EXOC6B: variants seen among roughly 807,000 people sequenced by gnomAD.
EXOC6B encodes the protein exocyst complex component 6B.
Under a neutral mutation model 113.5 loss-of-function variants are expected in EXOC6B, and 54 were observed. The ratio of observed to expected loss-of-function variants is 0.48; its 90% CI spans 0.38 to 0.60. The LOEUF (loss-of-function observed/expected upper bound fraction) is 0.60, where lower values mean the gene tolerates loss of function less well. Ranked by LOEUF, EXOC6B falls within the 20% of genes least tolerant of loss-of-function variation. The probability of loss-of-function intolerance (pLI) is 0.00; values close to 1 mark genes in which losing one functional copy is unlikely to be tolerated. For missense variants in EXOC6B, 797 were observed against 977.5 expected (o/e 0.82, Z 2.46); for synonymous variants, 357 against 339.0 (o/e 1.05, Z -0.58).
chr2:72,397,905 C>G (rs1173847936), intron 18 of EXOC6B, among the ~76,000 whole-genome samples: 1 of 152,006 alleles, frequency 6.6e-6, no homozygotes, highest in East Asian at 1.9e-4. Flanking sequence ...CCCACCATAT[C>G]TGAGGTAGAG....
chr2:72,565,711 T>C (rs914292578), intron 7 of EXOC6B, among the ~76,000 whole-genome samples: 1 of 152,110 alleles, frequency 6.6e-6, no homozygotes, highest in Non-Finnish European at 1.5e-5. Context: ...TTACCCACAG[T>C]GATAGGAATG....
chr2:72,492,363 G>T lies in EXOC6B; in HGVS notation c.1620C>A (p.Asn540Lys). The T allele has an allele frequency of 6.2e-7, 1 of 1,612,926 alleles. No homozygotes were observed. The highest frequency in any genetic ancestry group is 1.1e-5 in the South Asian group (1 of 91,040). The change falls in exon 16 of 22, where the codon AAC (asparagine) becomes AAA (lysine). Residue 540 changes from asparagine to lysine, a missense_variant. Physicochemically the swap from Asn to Lys is moderately conservative, Grantham distance 94 (BLOSUM62 0). Transcript: ENST00000272427. ...TNLLLTRTLSNSLQNVIKRKN... is the reference protein window; with the variant it reads ...TNLLLTRTLSKSLQNVIKRKN... ...TCCTTTTAATTACATTCTGCAGAGA[G>T]TTGCTCAGAGTCCTGGTTAGCAACA...
chr2:72,661,944 T>C (rs1675045387), intron 6 of EXOC6B, among the ~76,000 whole-genome samples: 1 of 151,446 alleles, frequency 6.6e-6, no homozygotes, highest in Admixed American at 6.6e-5. Context: ...TTGACAAAAC[T>C]GAAAAACAAT....
rs1193301093 is a variant in EXOC6B, at chr2:72,486,221, T to C, written c.1666-5471A>G. ...ATTGTCTCTACTAAAATACAAAAAT[T>C]AGCTGGGTGTGGTGGCACATGCCTG... On this transcript the variant is annotated intron_variant, in intron 16 of 21. Coordinates refer to ENST00000272427, the MANE Select transcript of EXOC6B (RefSeq NM_015189.3). Among the ~76,000 whole-genome samples the C allele has an allele frequency of 2.0e-5, 3 of 151,990 alleles. No homozygotes were observed. In the East Asian group the frequency reaches 5.8e-4, roughly 29 times the overall value.
At chr2:72,375,617 A>G (rs1691309098) in intron 19 of EXOC6B, among the ~76,000 whole-genome samples, 1 of 152,206 alleles carries the variant, frequency 6.6e-6, no homozygotes, top group African/African-American at 2.4e-5. Flanking sequence ...AATGAATAAA[A>G]ATTAAAACAT....
intron 6 of EXOC6B, among the ~76,000 whole-genome samples, chr2:72,688,011 A>G (rs1677210361): frequency 6.6e-6 from 1 of 152,094 alleles, no homozygotes; most frequent in Non-Finnish European, 1.5e-5. Flanking sequence ...AGCCCCTCCA[A>G]AAAAAATCAC....
At chr2:72,229,798 T>C (rs2104461108) in intron 20 of EXOC6B, among the ~76,000 whole-genome samples, 1 of 152,376 alleles carries the variant, frequency 6.6e-6, no homozygotes, top group East Asian at 1.9e-4. Context: ...AAGTTGCCTA[T>C]GTGCAAATGG....
chr2:72,723,143 C>T (rs949640987), intron 5 of EXOC6B, among the ~76,000 whole-genome samples: 3 of 152,138 alleles, frequency 2.0e-5, no homozygotes, highest in South Asian at 2.1e-4. Context: ...CCAGTGACCA[C>T]GGAAATCCAA....
intron 20 of EXOC6B, among the ~76,000 whole-genome samples, chr2:72,296,034 T>C (rs1386526462): frequency 6.6e-6 from 1 of 152,106 alleles, no homozygotes; most frequent in Non-Finnish European, 1.5e-5. Flanking sequence ...AGAGTGGCTA[T>C]GGATTTGTCC....
chr2:72,458,631 G>A (rs778960558), intron 18 of EXOC6B, among the ~76,000 whole-genome samples: 3 of 151,704 alleles, frequency 2.0e-5, no homozygotes, highest in Non-Finnish European at 2.9e-5. Flanking sequence ...ACACTGAGAC[G>A]TTTTATAGTA....
At position 72,514,990 on chromosome 2, in the gene EXOC6B, G is replaced by T. The variant is rs368090381; in HGVS notation, c.999+53C>A. The T allele has an allele frequency of 5.5e-6, 8 of 1,459,186 alleles. No homozygotes were observed. In the African/African-American group the frequency reaches 1.1e-4, roughly 21 times the overall value. 90.4% of individuals were successfully genotyped at this position (1,459,186 alleles called of 1,614,324 possible). ...ACACACACACACACACGCATCAAAA[G>T]ACATCAAGGAGGAAAAGTAAAAATG... On this transcript the variant is annotated intron_variant, in intron 9 of 21. Coordinates refer to ENST00000272427, the MANE Select transcript of EXOC6B (RefSeq NM_015189.3).
chr2:72,625,525 C>G (rs1239522275), intron 6 of EXOC6B, among the ~76,000 whole-genome samples: 3 of 152,102 alleles, frequency 2.0e-5, no homozygotes, highest in African/African-American at 7.2e-5. Context: ...AAGGAAACGT[C>G]AGTTTCTAGT....
At chr2:72,806,111 G>C (rs1277523742) in intron 1 of EXOC6B, among the ~76,000 whole-genome samples, 1 of 152,058 alleles carries the variant, frequency 6.6e-6, no homozygotes, top group African/African-American at 2.4e-5. Flanking sequence ...TAAGGTTTGA[G>C]GTACAAATCC....
chr2:72,448,983 C>T (rs899131203), intron 18 of EXOC6B, among the ~76,000 whole-genome samples: 4 of 152,120 alleles, frequency 2.6e-5, no homozygotes, highest in African/African-American at 2.4e-5. Flanking sequence ...AAATTCATAG[C>T]GCCAGACTGT....
chr2:72,325,287 G>A (rs1688063517), intron 20 of EXOC6B, among the ~76,000 whole-genome samples: 1 of 152,056 alleles, frequency 6.6e-6, no homozygotes, highest in Admixed American at 6.6e-5. Flanking sequence ...TCAAGAAGCA[G>A]CTATTAATAT....
chr2:72,276,599 T>A (rs1684819996), intron 20 of EXOC6B, among the ~76,000 whole-genome samples: 1 of 152,156 alleles, frequency 6.6e-6, no homozygotes, highest in African/African-American at 2.4e-5. Context: ...TTCTCAGGAA[T>A]GCTTTCTGCT....
chr2:72,662,629 A>G (rs531313511), intron 6 of EXOC6B, among the ~76,000 whole-genome samples: 8 of 152,306 alleles, frequency 5.3e-5, no homozygotes, highest in Admixed American at 1.3e-4. Flanking sequence ...CACATATAAA[A>G]CCTAGGGGAA....
intron 6 of EXOC6B, among the ~76,000 whole-genome samples, chr2:72,630,903 C>A (rs1157532321): frequency 6.6e-6 from 1 of 152,094 alleles, no homozygotes; most frequent in Non-Finnish European, 1.5e-5. Context: ...TATGAGTAAT[C>A]ATGTAGTGAC....
intron 15 of EXOC6B, among the ~76,000 whole-genome samples, chr2:72,494,776 C>T (rs569188761): frequency 6.6e-6 from 1 of 152,228 alleles, no homozygotes; most frequent in East Asian, 1.9e-4. Flanking sequence ...TCCTTGAAGA[C>T]AGGGACCACA....
Sources: allele counts gnomAD v4.1 joint callset (sites outside exome capture counted in the v4.1 genomes callset), GRCh38; gene constraint gnomAD v4.1.1; transcripts MANE v1.5; gene names NCBI Gene and HGNC (gene_info 2026-07-23, HGNC 2026-07-21).